The following FN1 variants were observed in gnomAD, a reference collection of about 807,000 sequenced individuals.
The protein encoded by FN1 is fibronectin.
A neutral mutation model predicts 297.3 loss-of-function variants in FN1; 106 were observed. The observed-to-expected ratio is 0.36, with a 90% CI of 0.30 to 0.42. The LOEUF (loss-of-function observed/expected upper bound fraction) is 0.42, where lower values mean the gene tolerates loss of function less well. Among genes scored for constraint, FN1 ranks in the 10% least tolerant of loss-of-function variants. FN1 has a pLI of 1.00. For synonymous variants in FN1, 1,149 were observed against 1,152.6 expected, an observed-to-expected ratio of 1.00 and a Z score of 0.06; for missense variants, 2,690 against 3,124.9, an observed-to-expected ratio of 0.86 and a Z score of 3.32.
chr2:215,384,264 T>C, intron 29 of FN1, 80 bp from the exon 30 acceptor site: 3 of 1,316,440 alleles, frequency 2.3e-6, no homozygotes, highest in Non-Finnish European at 3.3e-6. Flanking sequence ...TTACCACATT[T>C]ATAGCAGCAT....
intron 5 of FN1, among the ~76,000 whole-genome samples, chr2:215,430,215 A>G (rs2066255360): frequency 6.6e-6 from 1 of 152,198 alleles, no homozygotes; most frequent in Non-Finnish European, 1.5e-5. Context: ...TTAGTTTACA[A>G]TATCAAAAAA....
intron 26 of FN1, among the ~76,000 whole-genome samples, chr2:215,388,877 C>CAAAA (rs1456896447): frequency 3.3e-5 from 5 of 151,424 alleles, no homozygotes. Flanking sequence ...AAACAAAAAA[C>CAAAA]AAAACAAAAA....
intron 5 of FN1, among the ~76,000 whole-genome samples, chr2:215,430,444 A>C (rs1019469945): frequency 1.3e-5 from 2 of 152,216 alleles, no homozygotes; most frequent in African/African-American, 4.8e-5. Context: ...TAAATTTCAA[A>C]CATAGAAGGA....
intron 13 of FN1, among the ~76,000 whole-genome samples, chr2:215,411,371 A>G (rs1176199004): frequency 6.6e-6 from 1 of 152,204 alleles, no homozygotes; most frequent in East Asian, 1.9e-4. Flanking sequence ...CAATAATTCA[A>G]ATACTCAAGT....
chr2:215,435,449 G>A (rs575536227), intron 1 of FN1, among the ~76,000 whole-genome samples: 2 of 152,138 alleles, frequency 1.3e-5, no homozygotes, highest in Non-Finnish European at 2.9e-5. Flanking sequence ...CAGAGTCCTC[G>A]TCCTCCAATG....
At position 215,419,312 on chromosome 2, in the gene FN1, G is replaced by A. The variant is rs763691133; in HGVS notation, c.1749C>T (p.Val583=). ...GGCCATAGCAGTAGCACTGGTATCT[G>A]ACACCATGCACATACTTCTCCCATG... The part of the protein sequence containing the change: ...GDSWEKYVHG[V]RYQCYCYGRG... The change falls in exon 12 of 46, where the codon GTC becomes GTT. Residue 583 remains valine (V), a synonymous_variant. Transcript: ENST00000354785. The A allele has an allele frequency of 3.0e-5, 49 of 1,612,840 alleles. No individual in the cohort carries two copies. The South Asian group carries it at 4.8e-4, about 16-fold the overall frequency.
At chr2:215,415,962 TCTAA>T (rs2063381427) in intron 12 of FN1, among the ~76,000 whole-genome samples, 1 of 152,150 alleles carries the variant, frequency 6.6e-6, no homozygotes, top group Non-Finnish European at 1.5e-5. Context: ...TTCAAGAATT[TCTAA>T]CTGACACTCT....
At chr2:215,406,796 A>G (rs1024799357) in intron 18 of FN1, among the ~76,000 whole-genome samples, 1 of 152,222 alleles carries the variant, frequency 6.6e-6, no homozygotes, top group African/African-American at 2.4e-5. Flanking sequence ...AATTTTTTAG[A>G]AAAAGCCTTT....
At chr2:215,410,795 C>A (rs1575653773) in intron 13 of FN1, among the ~76,000 whole-genome samples, 1 of 152,306 alleles carries the variant, frequency 6.6e-6, no homozygotes, top group East Asian at 1.9e-4. Context: ...GCGTGAGCCA[C>A]CACGCCCACC....
At chr2:215,373,476 T>G in intron 38 of FN1, 65 bp from the exon 39 acceptor site, 1 of 1,347,052 alleles carries the variant, frequency 7.4e-7, no homozygotes, top group Middle Eastern at 1.8e-4. Flanking sequence ...GAAGTCGGTC[T>G]CACCAGCAGA....
chr2:215,376,054 C>A (rs189927388), intron 36 of FN1, among the ~76,000 whole-genome samples: 1 of 152,208 alleles, frequency 6.6e-6, no homozygotes, highest in East Asian at 1.9e-4. Context: ...AATAGTTGAG[C>A]CTTGGAATCA....
chr2:215,382,585 C>G (rs1235486438), intron 31 of FN1, among the ~76,000 whole-genome samples: 2 of 152,170 alleles, frequency 1.3e-5, no homozygotes, highest in East Asian at 3.8e-4. Flanking sequence ...ATTAGTGATA[C>G]TGCTCTCAGA....
intron 43 of FN1, among the ~76,000 whole-genome samples, chr2:215,365,199 G>A (rs2054283229): frequency 6.6e-6 from 1 of 152,148 alleles, no homozygotes; most frequent in Non-Finnish European, 1.5e-5. Flanking sequence ...GGTCCAACGG[G>A]AAGATGGAAA....
chr2:215,392,463 C>G (rs143968949), intron 25 of FN1: 5 of 201,390 alleles, frequency 2.5e-5, no homozygotes, highest in Non-Finnish European at 2.0e-5. Context: ...CAATGCCCAT[C>G]CACTCTACCC....
intron 13 of FN1, among the ~76,000 whole-genome samples, chr2:215,412,142 A>G (rs537182495): frequency 6.6e-6 from 1 of 152,214 alleles, no homozygotes; most frequent in South Asian, 2.1e-4. Context: ...AAGTTCTGCA[A>G]ATGGCCAGAT....
intron 21 of FN1, among the ~76,000 whole-genome samples, chr2:215,398,997 G>A (rs746267972): frequency 2.0e-5 from 3 of 152,184 alleles, no homozygotes; most frequent in Non-Finnish European, 4.4e-5. Context: ...GAGAAAATAA[G>A]ATAACAATAA....
chr2:215,361,433 TC>T lies in FN1; in HGVS notation c.*121del. 2 of 807,144 alleles carry T rather than the reference TC, an allele frequency of 2.5e-6. No individual in the cohort carries two copies. The highest frequency in any genetic ancestry group is 4.5e-6 in the Non-Finnish European group (2 of 446,470). The allele number at this position is 807,144 out of a possible 1,614,324, so 50.0% of individuals were successfully genotyped here. A position where few individuals can be genotyped will look rare whatever the true frequency, so the allele number is the denominator to read the frequency against. On this transcript the variant is annotated 3_prime_UTR_variant, in exon 46 of 46. Coordinates refer to ENST00000354785, the MANE Select transcript of FN1 (RefSeq NM_212482.4). The stretch of plus-strand genomic sequence containing the variant: ...TGAGTTGAGCTGAAGCTGGAGAACT[TC>T]CTCCAGAGCAAAGGGCTTAAGAAAG...
At chr2:215,419,702 C>T (rs999235736) in intron 11 of FN1, among the ~76,000 whole-genome samples, 1 of 151,954 alleles carries the variant, frequency 6.6e-6, no homozygotes, top group African/African-American at 2.4e-5. Context: ...ATTATTTTTA[C>T]CCATATTAAT....
intron 10 of FN1, 38 bp from the exon 11 acceptor site, chr2:215,420,839 A>C: frequency 6.2e-7 from 1 of 1,608,602 alleles, no homozygotes; most frequent in Non-Finnish European, 8.5e-7. Context: ...GAAACTTTTT[A>C]AAGTTCCATT....
Sources: gnomAD v4.1 joint callset for allele counts (sites outside exome capture counted in the v4.1 genomes callset) on GRCh38, gnomAD v4.1.1 for gene constraint, MANE v1.5 for transcripts, NCBI Gene and HGNC (gene_info 2026-07-23, HGNC 2026-07-21) for gene names.